Variants in SLC24A3 observed in about 807,000 individuals in gnomAD.
The protein encoded by SLC24A3 is solute carrier family 24 member 3.
SLC24A3 carries 28 observed loss-of-function variants against 75.8 expected under a neutral mutation model. The observed-to-expected ratio is 0.37, with a 90% CI of 0.27 to 0.51. The LOEUF is 0.51. Among genes scored for constraint, SLC24A3 ranks in the 20% least tolerant of loss-of-function variants. The pLI is 0.94. For synonymous variants in SLC24A3, 372 were observed against 334.1 expected (o/e 1.11, Z -1.24); for missense variants, 663 against 847.8 (o/e 0.78, Z 2.71).
chr20:19,375,083 C>T (rs1986059653), intron 2 of SLC24A3, among the ~76,000 whole-genome samples: 1 of 152,142 alleles, frequency 6.6e-6, no homozygotes, highest in Admixed American at 6.5e-5. Context: ...CCAGTATCAC[C>T]TCCTCACTCC....
At chr20:19,573,852 T>C (rs2031090330) in intron 3 of SLC24A3, among the ~76,000 whole-genome samples, 1 of 152,112 alleles carries the variant, frequency 6.6e-6, no homozygotes, top group Non-Finnish European at 1.5e-5. Context: ...AGAACAAGAT[T>C]GAAGTTGTGT....
chr20:19,303,489 TATGGTAGA>T (rs1325084054), intron 2 of SLC24A3, among the ~76,000 whole-genome samples: 2 of 152,212 alleles, frequency 1.3e-5, no homozygotes, highest in African/African-American at 4.8e-5. Flanking sequence ...CCTGTATCTT[TATGGTAGA>T]ATGATTTATG....
intron 3 of SLC24A3, among the ~76,000 whole-genome samples, chr20:19,551,336 G>T (rs575004856): frequency 1.3e-5 from 2 of 152,240 alleles, no homozygotes; most frequent in Admixed American, 1.3e-4. Flanking sequence ...GTCTACTATG[G>T]TATGATTATG....
At chr20:19,697,224 T>C (rs1168175806) in intron 14 of SLC24A3, among the ~76,000 whole-genome samples, 2 of 152,124 alleles carry the variant, frequency 1.3e-5, no homozygotes, top group Admixed American at 1.3e-4. Context: ...GGTCCTACCC[T>C]TGAGGAAAGC....
intron 2 of SLC24A3, among the ~76,000 whole-genome samples, chr20:19,435,575 G>A (rs941976890): frequency 2.6e-5 from 4 of 152,266 alleles, no homozygotes; most frequent in East Asian, 1.9e-4. Flanking sequence ...GTATCCCAGG[G>A]CAATTAGTAT....
intron 1 of SLC24A3, among the ~76,000 whole-genome samples, chr20:19,228,601 C>T (rs950456750): frequency 4.0e-5 from 6 of 151,490 alleles, no homozygotes; most frequent in Admixed American, 6.6e-5. Context: ...GCTGAGATCA[C>T]GCCACTGCAC....
chr20:19,446,510 C>T (rs1483060243), intron 2 of SLC24A3, among the ~76,000 whole-genome samples: 4 of 152,148 alleles, frequency 2.6e-5, no homozygotes, highest in East Asian at 1.9e-4. Context: ...AGCAAGCGTT[C>T]GGGGAAATTG....
chr20:19,238,231 G>A (rs1472096910), intron 1 of SLC24A3, among the ~76,000 whole-genome samples: 2 of 152,158 alleles, frequency 1.3e-5, no homozygotes, highest in Non-Finnish European at 2.9e-5. Context: ...AGCTCTGCCT[G>A]TTCTTGTGCC....
intron 9 of SLC24A3, among the ~76,000 whole-genome samples, chr20:19,679,592 G>A (rs2032585399): frequency 6.6e-6 from 1 of 151,392 alleles, no homozygotes; most frequent in African/African-American, 2.4e-5. Flanking sequence ...ACCGTGGGGA[G>A]AGGGAGAGGG....
At chr20:19,515,656 C>T in intron 3 of SLC24A3, 92 bp downstream of exon 3, 2 of 1,276,010 alleles carry the variant, frequency 1.6e-6, no homozygotes, top group Non-Finnish European at 2.3e-6. Flanking sequence ...AGTAGATTCT[C>T]TCTGCCCTCC....
intron 2 of SLC24A3, among the ~76,000 whole-genome samples, chr20:19,349,036 G>A (rs950422329): frequency 6.6e-6 from 1 of 152,040 alleles, no homozygotes; most frequent in Admixed American, 6.5e-5. Flanking sequence ...GTTCCTTTAG[G>A]AACAGGTGCT....
rs78842486 is a variant in SLC24A3, at chr20:19,717,116, G to T, written c.1720-412G>T. 4.3e-3 allele frequency among the ~76,000 whole-genome samples: 649 copies of T among 152,294 alleles called. 2 individuals carry two copies. Among genetic ancestry groups the T allele is most frequent in the Middle Eastern group, 0.027 (8 of 294 alleles). On this transcript the variant is annotated intron_variant, in intron 15 of 16. Transcript: ENST00000328041. Reference sequence around the variant, plus strand: ...AAAAGTTTATTCATATTTTTCCATTGCCCATGTCATGAAATTCATCCTAAA... The same window carrying T: ...AAAAGTTTATTCATATTTTTCCATTTCCCATGTCATGAAATTCATCCTAAA...
At chr20:19,609,961 CCT>C (rs34993305) in intron 6 of SLC24A3, among the ~76,000 whole-genome samples, 85,023 of 151,898 alleles carry the variant, frequency 0.56, 27,009 homozygotes, top group Non-Finnish European at 0.7. Flanking sequence ...AACCACAAAT[CCT>C]CTGTTTCTAC....
chr20:19,415,200 C>G (rs1986807137), intron 2 of SLC24A3, among the ~76,000 whole-genome samples: 1 of 152,152 alleles, frequency 6.6e-6, no homozygotes, highest in African/African-American at 2.4e-5. Flanking sequence ...TGAGAGTGGA[C>G]ACGCTTGTGG....
intron 15 of SLC24A3, among the ~76,000 whole-genome samples, chr20:19,699,315 C>T (rs938847768): frequency 9.9e-5 from 15 of 152,188 alleles, no homozygotes; most frequent in Admixed American, 5.9e-4. Flanking sequence ...AACGCCCTGG[C>T]GGGGAGAGGG....
intron 2 of SLC24A3, among the ~76,000 whole-genome samples, chr20:19,428,853 A>T (rs980381132): frequency 6.6e-6 from 1 of 152,194 alleles, no homozygotes; most frequent in Non-Finnish European, 1.5e-5. Flanking sequence ...CAAGTAATGC[A>T]GTCTACAAAC....
intron 2 of SLC24A3, among the ~76,000 whole-genome samples, chr20:19,393,219 A>G (rs1188369890): frequency 6.6e-6 from 1 of 152,226 alleles, no homozygotes; most frequent in Non-Finnish European, 1.5e-5. Flanking sequence ...TTTATGATGA[A>G]AGACTGAAAG....
intron 6 of SLC24A3, among the ~76,000 whole-genome samples, chr20:19,637,866 A>G (rs1389481607): frequency 1.3e-5 from 2 of 152,264 alleles, no homozygotes; most frequent in African/African-American, 4.8e-5. Context: ...GAAAGCTTCA[A>G]AGATAGTAGT....
intron 2 of SLC24A3, among the ~76,000 whole-genome samples, chr20:19,487,467 C>A (rs1038779439): frequency 6.6e-6 from 1 of 152,102 alleles, no homozygotes; most frequent in African/African-American, 2.4e-5. Context: ...ATAATAACAA[C>A]AATAGCACTA....
Sources: gnomAD v4.1 joint callset for allele counts (sites outside exome capture counted in the v4.1 genomes callset) on GRCh38, gnomAD v4.1.1 for gene constraint, MANE v1.5 for transcripts, NCBI Gene and HGNC (gene_info 2026-07-23, HGNC 2026-07-21) for gene names.